The following CSF2RA variants were observed in gnomAD, a reference collection of about 807,000 sequenced individuals.
CSF2RA encodes the protein colony stimulating factor 2 receptor subunit alpha, also known as granulocyte-macrophage colony-stimulating factor receptor subunit alpha.
A neutral mutation model predicts 51.6 loss-of-function variants in CSF2RA; 42 were observed. The ratio of observed to expected loss-of-function variants is 0.81; its 90% CI spans 0.64 to 1.05. The LOEUF (loss-of-function observed/expected upper bound fraction) is 1.05. Ranked by LOEUF, CSF2RA falls within the 50% of genes least tolerant of loss-of-function variation. CSF2RA has a pLI of 0.00. For synonymous variants in CSF2RA, 222 were observed against 193.0 expected (o/e 1.15, Z -1.24); for missense variants, 530 against 501.1 (o/e 1.06, Z -0.55).
intron 10 of CSF2RA, among the ~76,000 whole-genome samples, chrX:1,300,885 G>C (rs868302182): frequency 1.3e-5 from 2 of 152,152 alleles, no homozygotes; most frequent in Non-Finnish European, 1.5e-5. Context: ...CAGGTGCAGC[G>C]GTTCACGCCT....
chrX:1,316,423 C>T, the CSF2RA span, among the ~76,000 whole-genome samples: 26 of 152,266 alleles, frequency 1.7e-4, no homozygotes, highest in African/African-American at 5.5e-4. Context: ...CATTGTTAGA[C>T]GGTGAACCAT....
Position 1,286,021 on chromosome X carries a change from C to T in CSF2RA, c.219+101C>T, listed in dbSNP as rs779155602. On this transcript the variant is annotated intron_variant, in intron 4 of 12. Transcript: ENST00000381529. ...GGCGCGGCGGCTCACGCCTGTCATCCCAGCACTTTGGGAGGCTGAGGTGGG... is the reference window on the plus strand; with the variant it reads ...GGCGCGGCGGCTCACGCCTGTCATCTCAGCACTTTGGGAGGCTGAGGTGGG... The T allele has an allele frequency of 4.3e-5, 61 of 1,419,882 alleles. No individual in the cohort carries two copies. The African/African-American group carries it at 8.0e-4, about 19-fold the overall frequency. 88.0% of individuals were successfully genotyped at this position (1,419,882 alleles called of 1,614,324 possible). A position where few individuals can be genotyped will look rare whatever the true frequency, so the allele number is the denominator to read the frequency against.
intron 2 of CSF2RA, among the ~76,000 whole-genome samples, chrX:1,277,056 G>A (rs1291992676): frequency 6.6e-6 from 1 of 152,080 alleles, no homozygotes; most frequent in African/African-American, 2.4e-5. Flanking sequence ...CTGAGATCAC[G>A]CCACTGCACT....
intron 10 of CSF2RA, chrX:1,302,921 G>C: frequency 3.8e-6 from 1 of 259,848 alleles, no homozygotes; most frequent in Non-Finnish European, 7.0e-6. Flanking sequence ...ACCCAGGCTG[G>C]AGTGCAATGG....
intron 10 of CSF2RA, among the ~76,000 whole-genome samples, chrX:1,302,350 A>G (rs2148628380): frequency 6.6e-6 from 1 of 152,136 alleles, no homozygotes; most frequent in East Asian, 1.9e-4. Context: ...TTTTCACCTC[A>G]ACAAAGGGTA....
chrX:1,290,631 G>A (rs1297633581), intron 7 of CSF2RA, 122 bp downstream of exon 7: 22 of 971,020 alleles, frequency 2.3e-5, no homozygotes, highest in African/African-American at 6.4e-5. Flanking sequence ...TTGGGAGGCC[G>A]AGGCGGGCCG....
intron 11 of CSF2RA, 30 bp downstream of exon 11, chrX:1,304,049 A>C (rs777091884): frequency 6.4e-7 from 1 of 1,570,862 alleles, no homozygotes; most frequent in African/African-American, 1.4e-5. Context: ...GGCCTCCCCA[A>C]TGAAAACAGG....
At chrX:1,303,894 C>T (rs187628586) in intron 10 of CSF2RA, 29 bp from the exon 11 acceptor site, 187 of 1,563,904 alleles carry the variant, frequency 1.2e-4, no homozygotes, top group South Asian at 4.9e-4. Flanking sequence ...AACGATTCAC[C>T]GCAGACGCAA....
chrX:1,315,009 C>T (rs867733725), downstream of CSF2RA, among the ~76,000 whole-genome samples: 60 of 131,144 alleles, frequency 4.6e-4, no homozygotes, highest in African/African-American at 1.4e-3. Context: ...AACCCCACTG[C>T]ACCTGCCCAA....
chrX:1,303,712 C>T (rs1299834733), intron 10 of CSF2RA, among the ~76,000 whole-genome samples: 3 of 152,118 alleles, frequency 2.0e-5, no homozygotes, highest in African/African-American at 4.8e-5. Context: ...CCAGAAATTT[C>T]CTTGTGGGCA....
At chrX:1,296,145 C>G (rs73618046) in intron 9 of CSF2RA, among the ~76,000 whole-genome samples, 371 of 151,322 alleles carry the variant, frequency 2.5e-3, no homozygotes, top group African/African-American at 8.5e-3. Context: ...ACCCATGACC[C>G]CTGGAGTAAC....
chrX:1,271,765 C>G (rs1209964050), intron 1 of CSF2RA, among the ~76,000 whole-genome samples: 1 of 151,840 alleles, frequency 6.6e-6, no homozygotes, highest in Non-Finnish European at 1.5e-5. Flanking sequence ...GATCCGCTCA[C>G]CTTGACCTCC....
At chrX:1,310,654 C>A (rs760579620), downstream of CSF2RA, among the ~76,000 whole-genome samples, 1,053 of 137,000 alleles carry the variant, frequency 7.7e-3, 14 homozygotes, top group African/African-American at 0.029. Context: ...GATGACATAG[C>A]GAGACTCCAT....
At chrX:1,318,558 C>T in the CSF2RA span, among the ~76,000 whole-genome samples, 50 of 152,062 alleles carry the variant, frequency 3.3e-4, 1 homozygote, top group East Asian at 1.6e-3. Context: ...CCTGAGCCGC[C>T]GATAGCCCCT....
the CSF2RA span, among the ~76,000 whole-genome samples, chrX:1,315,547 G>A: frequency 1.3e-5 from 2 of 152,000 alleles, no homozygotes; most frequent in Non-Finnish European, 1.5e-5. Context: ...GAGATTACAC[G>A]TGTGCACCAC....
the CSF2RA span, among the ~76,000 whole-genome samples, chrX:1,322,392 A>G: frequency 6.8e-6 from 1 of 148,092 alleles, no homozygotes; most frequent in Non-Finnish European, 1.5e-5. Flanking sequence ...GATTACAGGC[A>G]TCAGTCAGCA....
intron 1 of CSF2RA, among the ~76,000 whole-genome samples, chrX:1,271,144 G>A (rs1489833167): frequency 1.3e-5 from 2 of 151,894 alleles, no homozygotes; most frequent in Non-Finnish European, 1.5e-5. Flanking sequence ...GCGTTTTATA[G>A]GTGTGCTAAA....
At chrX:1,275,406 T>G (rs1157239071) in intron 2 of CSF2RA, among the ~76,000 whole-genome samples, 3 of 151,588 alleles carry the variant, frequency 2.0e-5, no homozygotes, top group Non-Finnish European at 2.9e-5. Context: ...CTGCAAAATA[T>G]TTAAAGAGAT....
chrX:1,303,568 G>T (rs1448270078), intron 10 of CSF2RA, among the ~76,000 whole-genome samples: 1 of 151,954 alleles, frequency 6.6e-6, no homozygotes, highest in African/African-American at 2.4e-5. Context: ...TAGAGACGGG[G>T]TTTCACCATG....
Sources: gnomAD v4.1 joint callset for allele counts (sites outside exome capture counted in the v4.1 genomes callset) on GRCh38, gnomAD v4.1.1 for gene constraint, MANE v1.5 for transcripts, NCBI Gene and HGNC (gene_info 2026-07-23, HGNC 2026-07-21) for gene names.